The following ZNF487 variants were observed in gnomAD, a reference collection of about 807,000 sequenced individuals.
The protein encoded by ZNF487 is KRAB domain only 1.
A neutral mutation model predicts 3.0 loss-of-function variants in ZNF487; 4 were observed. The ratio of observed to expected loss-of-function variants is 1.35; its 90% CI spans 0.66 to 3.08. The LOEUF is 3.08. Ranked by LOEUF, ZNF487 falls within the 30% of genes most tolerant of loss-of-function variation. The pLI, the probability that ZNF487 is intolerant of heterozygous loss-of-function variation, is 0.01. For synonymous variants in ZNF487, 55 were observed against 34.6 expected (o/e 1.59, Z -2.06); for missense variants, 146 against 98.7 (o/e 1.48, Z -2.03).
the ZNF487 span, among the ~76,000 whole-genome samples, chr10:43,498,006 A>G: frequency 2.9e-5 from 4 of 140,332 alleles, no homozygotes; most frequent in African/African-American, 1.1e-4. Flanking sequence ...ATATATGTAT[A>G]TGGAGAGAGA....
intron 1 of ZNF487, among the ~76,000 whole-genome samples, chr10:43,464,993 G>T (rs1589039483): frequency 7.1e-6 from 1 of 141,360 alleles, no homozygotes; most frequent in East Asian, 2.0e-4. Context: ...CTGGCTGGGC[G>T]GGGGCTGACC....
At chr10:43,464,141 C>G (rs868736919) in intron 1 of ZNF487, among the ~76,000 whole-genome samples, 2 of 151,550 alleles carry the variant, frequency 1.3e-5, no homozygotes, top group African/African-American at 2.4e-5. Flanking sequence ...CCTCTTGTGC[C>G]GAACAGCCCA....
At chr10:43,493,375 G>C in the ZNF487 span, among the ~76,000 whole-genome samples, 1 of 151,692 alleles carries the variant, frequency 6.6e-6, no homozygotes, top group Non-Finnish European at 1.5e-5. Flanking sequence ...TTTATTCTCT[G>C]TCTTTGTATT....
At chr10:43,519,745 G>A in the ZNF487 span, among the ~76,000 whole-genome samples, 2 of 152,280 alleles carry the variant, frequency 1.3e-5, no homozygotes, top group Middle Eastern at 3.4e-3. Flanking sequence ...GGATTACAGC[G>A]TGAGCCACTG....
At chr10:43,508,239 C>G in the ZNF487 span, among the ~76,000 whole-genome samples, 1 of 152,170 alleles carries the variant, frequency 6.6e-6, no homozygotes, top group East Asian at 1.9e-4. Flanking sequence ...TGATTTGAGG[C>G]TCTCTGGAGA....
the ZNF487 span, among the ~76,000 whole-genome samples, chr10:43,500,780 A>G: frequency 6.6e-6 from 1 of 152,146 alleles, no homozygotes; most frequent in Admixed American, 6.5e-5. Flanking sequence ...AAGTGTTGGA[A>G]ATACAGACAT....
the ZNF487 span, among the ~76,000 whole-genome samples, chr10:43,501,623 C>G: frequency 1.3e-5 from 2 of 151,912 alleles, no homozygotes; most frequent in Non-Finnish European, 2.9e-5. Context: ...GCCTGTAGTC[C>G]CAGCTACTTG....
the ZNF487 span, among the ~76,000 whole-genome samples, chr10:43,519,275 C>T: frequency 6.6e-6 from 1 of 151,932 alleles, no homozygotes; most frequent in African/African-American, 2.4e-5. Flanking sequence ...TTCAAAATAC[C>T]TTCTTATTCT....
At chr10:43,445,879 C>T (rs1272998316) in intron 1 of ZNF487, among the ~76,000 whole-genome samples, 1 of 152,112 alleles carries the variant, frequency 6.6e-6, no homozygotes, top group Non-Finnish European at 1.5e-5. Context: ...GTGGTGATGA[C>T]TCTTAATGAG....
At chr10:43,462,517 G>C (rs1346721240) in intron 1 of ZNF487, among the ~76,000 whole-genome samples, 1 of 141,640 alleles carries the variant, frequency 7.1e-6, no homozygotes, top group Admixed American at 7.2e-5. Flanking sequence ...GTGCAGTGGC[G>C]TGATCTCAGC....
chr10:43,464,790 C>T (rs1840600572), intron 1 of ZNF487, among the ~76,000 whole-genome samples: 1 of 152,246 alleles, frequency 6.6e-6, no homozygotes, highest in Non-Finnish European at 1.5e-5. Flanking sequence ...GACACAGCAA[C>T]CATCCAATTT....
At chr10:43,445,852 G>A (rs1839777467) in intron 1 of ZNF487, among the ~76,000 whole-genome samples, 1 of 152,054 alleles carries the variant, frequency 6.6e-6, no homozygotes, top group African/African-American at 2.4e-5. Flanking sequence ...GTGTCCCTGG[G>A]TACTTGAGAT....
chr10:43,517,252 A>G, the ZNF487 span, among the ~76,000 whole-genome samples: 1 of 152,258 alleles, frequency 6.6e-6, no homozygotes, highest in Non-Finnish European at 1.5e-5. Context: ...CCATCAAGAA[A>G]CAGCTATTGA....
At chr10:43,490,882 C>A in the ZNF487 span, among the ~76,000 whole-genome samples, 1 of 150,516 alleles carries the variant, frequency 6.6e-6, no homozygotes, top group East Asian at 1.9e-4. Context: ...CCATGTTGGT[C>A]AGGCTGGTCT....
the ZNF487 span, chr10:43,495,900 C>T: frequency 2.3e-6 from 1 of 426,798 alleles, no homozygotes; most frequent in Non-Finnish European, 4.8e-6. Context: ...AGTAGGTATG[C>T]TGTGTGACAT....
rs1046188587 is a variant in ZNF487, at chr10:43,437,148, A to G, written c.-208A>G. 7.2e-5 allele frequency: 21 copies of G among 290,418 alleles called. No individual in the cohort carries two copies. Among genetic ancestry groups the G allele is most frequent in the Non-Finnish European group, 1.4e-4 (20 of 147,874 alleles). 18.0% of individuals were successfully genotyped at this position (290,418 alleles called of 1,614,324 possible). On this transcript the variant is annotated 5_prime_UTR_variant, in exon 1 of 4. Coordinates refer to ENST00000437590, the MANE Select transcript of ZNF487 (RefSeq NM_001355444.3). The stretch of plus-strand genomic sequence containing the variant: ...GGCAGTTTCCATGGTGAGATGGTCA[A>G]CAAGCCTGTAAGTTCCTCAGCTACG...
At chr10:43,446,611 G>A (rs1258388909) in intron 1 of ZNF487, among the ~76,000 whole-genome samples, 2 of 151,774 alleles carry the variant, frequency 1.3e-5, no homozygotes. Flanking sequence ...GCCGGGCAGG[G>A]GCGCTCCCCA....
chr10:43,482,103 G>A lies in ZNF487; in HGVS notation c.*181G>A. ...AATACTATGAGTGTAATGCGAGTGAGAATAGTTTTGGCAAGAAATCACTCC... is the reference window on the plus strand; with the variant it reads ...AATACTATGAGTGTAATGCGAGTGAAAATAGTTTTGGCAAGAAATCACTCC... On this transcript the variant is annotated 3_prime_UTR_variant, in exon 4 of 4. Transcript: ENST00000437590. 1 of 571,666 alleles carries A rather than the reference G, an allele frequency of 1.7e-6. No individual in the cohort carries two copies. Among genetic ancestry groups the A allele is most frequent in the South Asian group, 2.4e-5 (1 of 41,440 alleles). 35.4% of individuals were successfully genotyped at this position (571,666 alleles called of 1,614,324 possible). A position where few individuals can be genotyped will look rare whatever the true frequency, so the allele number is the denominator to read the frequency against.
chr10:43,441,559 G>A (rs1405344473), intron 1 of ZNF487, among the ~76,000 whole-genome samples: 5 of 151,498 alleles, frequency 3.3e-5, no homozygotes, highest in Non-Finnish European at 5.9e-5. Context: ...GAGCCACCGC[G>A]CCTGGCCAAT....
Sources: allele counts gnomAD v4.1 joint callset (sites outside exome capture counted in the v4.1 genomes callset), GRCh38; gene constraint gnomAD v4.1.1; transcripts MANE v1.5; gene names NCBI Gene and HGNC (gene_info 2026-07-23, HGNC 2026-07-21).